Variants in DNAI1 observed in about 807,000 individuals in gnomAD.
The protein encoded by DNAI1 is dynein axonemal intermediate chain 1.
Under a neutral mutation model 92.0 loss-of-function variants are expected in DNAI1, and 67 were observed. The ratio of observed to expected loss-of-function variants is 0.73; its 90% confidence interval spans 0.60 to 0.89. The LOEUF is 0.89. Ranked by LOEUF, DNAI1 falls within the 40% of genes least tolerant of loss-of-function variation. The probability of loss-of-function intolerance (pLI) is 0.00; values close to 1 mark genes in which losing one functional copy is unlikely to be tolerated. For missense variants in DNAI1, 839 were observed against 866.6 expected, an observed-to-expected ratio of 0.97 and a Z score of 0.40; for synonymous variants, 323 against 319.6, an observed-to-expected ratio of 1.01 and a Z score of -0.11.
Position 34,514,468 on chromosome 9 carries a change from G to T in DNAI1, c.1644G>T (p.Trp548Cys). ...AHNMSVDTVS[W>C]NPYHTKVFMS... Reference sequence around the variant, plus strand: ...ACATGTCAGTGGACACTGTGTCCTGGAACCCATACCACACCAAGGTCTTCA... The same window carrying T: ...ACATGTCAGTGGACACTGTGTCCTGTAACCCATACCACACCAAGGTCTTCA... The change falls in exon 17 of 20, where the codon TGG becomes TGT. Residue 548 changes from tryptophan to cysteine, a missense_variant. Physicochemically the swap from Trp to Cys is radical, Grantham distance 215 (BLOSUM62 -2). Transcript: ENST00000242317. The T allele has an allele frequency of 6.2e-7, 1 of 1,614,158 alleles. No homozygotes were observed. Among genetic ancestry groups the T allele is most frequent in the Admixed American group, 1.7e-5 (1 of 60,026 alleles).
At chr9:34,476,891 A>C (rs1332861275) in intron 1 of DNAI1, among the ~76,000 whole-genome samples, 1 of 152,210 alleles carries the variant, frequency 6.6e-6, no homozygotes, top group African/African-American at 2.4e-5. Flanking sequence ...ACATAAGCTT[A>C]GGGAGAATTG....
At chr9:34,519,397 G>A (rs1459272822) in intron 19 of DNAI1, among the ~76,000 whole-genome samples, 2 of 152,192 alleles carry the variant, frequency 1.3e-5, no homozygotes, top group Non-Finnish European at 2.9e-5. Flanking sequence ...CATATAGGGA[G>A]TTAATGACAG....
rs901360913 is a variant in DNAI1, at chr9:34,460,835, A to ATTATT, written c.48+1800_48+1804dup. 3.4e-5 allele frequency among the ~76,000 whole-genome samples: 5 copies of ATTATT among 149,166 alleles called. No individual in the cohort carries two copies. The East Asian group carries it at 5.9e-4, about 18-fold the overall frequency. On this transcript the variant is annotated intron_variant, in intron 1 of 19. Coordinates refer to ENST00000242317, the MANE Select transcript of DNAI1 (RefSeq NM_012144.4). ...CACCATGCCTGGCTAATTTTTTTTT[A>ATTATT]TTATTTTATTTTATTTTATTTTTGA... is the stretch of plus-strand genomic sequence containing the variant.
intron 1 of DNAI1, among the ~76,000 whole-genome samples, chr9:34,461,192 G>A (rs1464334234): frequency 6.6e-6 from 1 of 152,138 alleles, no homozygotes; most frequent in African/African-American, 2.4e-5. Flanking sequence ...GGTCAGGCTG[G>A]TCTCGGACTC....
chr9:34,493,103 T>G, intron 8 of DNAI1, 91 bp from the exon 9 acceptor site: 2 of 1,577,724 alleles, frequency 1.3e-6, no homozygotes, highest in Non-Finnish European at 1.7e-6. Flanking sequence ...AGGGTTAACA[T>G]GACCAATTCC....
At chr9:34,501,309 A>C (rs1824826929) in intron 12 of DNAI1, 128 bp downstream of exon 12, 1 of 816,278 alleles carries the variant, frequency 1.2e-6, no homozygotes, top group Non-Finnish European at 2.2e-6. Context: ...TCACAGTCTA[A>C]TGGGGAAGAC....
intron 12 of DNAI1, among the ~76,000 whole-genome samples, chr9:34,503,084 G>A (rs1390594734): frequency 6.6e-6 from 1 of 152,186 alleles, no homozygotes; most frequent in Non-Finnish European, 1.5e-5. Context: ...GTCTCCTAGG[G>A]AGCAGGGCCC....
chr9:34,487,812 C>T (rs1243148099), intron 4 of DNAI1: 2 of 157,118 alleles, frequency 1.3e-5, no homozygotes, highest in Non-Finnish European at 1.4e-5. Flanking sequence ...CTGGTGGCAT[C>T]TTCCCACAGA....
intron 19 of DNAI1, among the ~76,000 whole-genome samples, chr9:34,520,010 A>T (rs553794478): frequency 1.3e-5 from 2 of 152,280 alleles, no homozygotes; most frequent in South Asian, 4.1e-4. Flanking sequence ...TCATAAACTC[A>T]GGATCTGGTC....
At chr9:34,473,765 GC>G (rs1254416466) in intron 1 of DNAI1, among the ~76,000 whole-genome samples, 2 of 151,888 alleles carry the variant, frequency 1.3e-5, no homozygotes, top group African/African-American at 4.8e-5. Flanking sequence ...TAGCTCTGGT[GC>G]CCAGGCTGGA....
intron 1 of DNAI1, among the ~76,000 whole-genome samples, chr9:34,460,874 T>C (rs1047453147): frequency 6.6e-6 from 1 of 151,958 alleles, no homozygotes; most frequent in African/African-American, 2.4e-5. Context: ...GGAGTCTTGC[T>C]CTGTCGCCCA....
chr9:34,503,900 T>C (rs1190119301), intron 12 of DNAI1, among the ~76,000 whole-genome samples: 1 of 152,164 alleles, frequency 6.6e-6, no homozygotes, highest in African/African-American at 2.4e-5. Flanking sequence ...GAAAAGGAAC[T>C]AGCCCAAGAA....
At chr9:34,513,384 G>T (rs1564042484) in intron 16 of DNAI1, among the ~76,000 whole-genome samples, 193 bp downstream of exon 16, 1 of 152,198 alleles carries the variant, frequency 6.6e-6, no homozygotes, top group Non-Finnish European at 1.5e-5. Context: ...GAAAGGGGAT[G>T]GAGAATCTAG....
rs1262375059 is a variant in DNAI1 at position 34,520,681 on chromosome 9, G to C, written c.2025G>C (p.Gln675His). 4 of 1,551,564 alleles carry C rather than the reference G, an allele frequency of 2.6e-6. No individual in the cohort carries two copies. The African/African-American group carries it at 5.5e-5, about 21-fold the overall frequency. ...MPKEKKGQEV[Q>H]KGPAVEIAKL... ...AGGAAAAGAAGGGGCAGGAGGTGCA[G>C]AAGGGTCCAGCTGTGGAGATTGCGA... Residue 675 changes from glutamine to histidine, a missense_variant, in exon 20 of 20, where the codon CAG (glutamine) becomes CAC (histidine). Gln to His is a conservative substitution (Grantham distance 24, BLOSUM62 0). Transcript: ENST00000242317.
chr9:34,503,424 C>T (rs1215910982), intron 12 of DNAI1, among the ~76,000 whole-genome samples: 1 of 152,176 alleles, frequency 6.6e-6, no homozygotes, highest in Non-Finnish European at 1.5e-5. Context: ...TCCCAGATAC[C>T]ACCCTCCCAT....
intron 7 of DNAI1, 91 bp downstream of exon 7, chr9:34,490,579 G>C: frequency 6.4e-7 from 1 of 1,567,552 alleles, no homozygotes; most frequent in South Asian, 1.1e-5. Context: ...GCAGACCTCA[G>C]CCTGGCAGGG....
chr9:34,474,391 C>A (rs1018063357), intron 1 of DNAI1, among the ~76,000 whole-genome samples: 16 of 151,358 alleles, frequency 1.1e-4, no homozygotes, highest in East Asian at 3.9e-4. Context: ...TGCAACACCA[C>A]GCCTGGCTAA....
chr9:34,462,257 G>T (rs934056268), intron 1 of DNAI1, among the ~76,000 whole-genome samples: 2 of 152,086 alleles, frequency 1.3e-5, no homozygotes, highest in African/African-American at 4.8e-5. Flanking sequence ...CTCACTTCCT[G>T]GAAAGTGATA....
At chr9:34,472,639 C>T (rs1471632845) in intron 1 of DNAI1, among the ~76,000 whole-genome samples, 4 of 152,240 alleles carry the variant, frequency 2.6e-5, no homozygotes, top group South Asian at 2.1e-4. Context: ...CAGTGGTTCA[C>T]GTCTCTAATC....
Sources: gnomAD v4.1 joint callset for allele counts (sites outside exome capture counted in the v4.1 genomes callset) on GRCh38, gnomAD v4.1.1 for gene constraint, MANE v1.5 for transcripts, NCBI Gene and HGNC (gene_info 2026-07-23, HGNC 2026-07-21) for gene names.